Variants in KCNH5 observed in about 807,000 individuals in gnomAD.
The protein encoded by KCNH5 is voltage-gated delayed rectifier potassium channel KCNH5.
KCNH5 carries 46 observed loss-of-function variants against 96.1 expected under a neutral mutation model. The ratio of observed to expected loss-of-function variants is 0.48; its 90% CI spans 0.38 to 0.61. The LOEUF (loss-of-function observed/expected upper bound fraction) is 0.61, where lower values mean the gene tolerates loss of function less well. Ranked by LOEUF, KCNH5 falls within the 20% of genes least tolerant of loss-of-function variation. KCNH5 has a pLI of 0.00. For missense variants in KCNH5, 907 were observed against 1,225.8 expected, an observed-to-expected ratio of 0.74 and a Z score of 3.88; for synonymous variants, 439 against 449.8, an observed-to-expected ratio of 0.98 and a Z score of 0.30.
chr14:63,003,600 ATT>A lies in KCNH5; in HGVS notation c.305-2143_305-2142del, dbSNP rs1326073113. Among the ~76,000 whole-genome samples, 42 of 123,070 alleles carry A rather than the reference ATT, an allele frequency of 3.4e-4. 1 individual carries two copies. Among genetic ancestry groups the A allele is most frequent in the African/African-American group, 1.4e-3 (42 of 30,806 alleles). The allele number at this position is 123,070 out of a possible 152,430, so 80.7% of individuals were successfully genotyped here. Reference sequence around the variant, plus strand: ...ATATACATAATATATATATTTATATATTTATATTTATATATATATATATATTT... The same window carrying A: ...ATATACATAATATATATATTTATATATATATTTATATATATATATATATTT... On this transcript the variant is annotated intron_variant, in intron 3 of 10. Coordinates refer to ENST00000322893, the MANE Select transcript of KCNH5 (RefSeq NM_139318.5).
At chr14:62,948,073 C>T (rs994610270) in intron 7 of KCNH5, among the ~76,000 whole-genome samples, 3 of 151,372 alleles carry the variant, frequency 2.0e-5, no homozygotes, top group Non-Finnish European at 4.4e-5. Context: ...TGAGAATATG[C>T]GGTGTTTGGT....
intron 10 of KCNH5, among the ~76,000 whole-genome samples, chr14:62,770,428 C>G (rs1885961221): frequency 6.6e-6 from 1 of 152,180 alleles, no homozygotes; most frequent in South Asian, 2.1e-4. Context: ...CTATTTCTTA[C>G]CACTGGAACA....
At chr14:62,722,263 A>T (rs1042957408) in intron 10 of KCNH5, among the ~76,000 whole-genome samples, 2 of 152,210 alleles carry the variant, frequency 1.3e-5, no homozygotes, top group Admixed American at 1.3e-4. Flanking sequence ...TCCAGTTACA[A>T]TACAGATTGT....
intron 7 of KCNH5, among the ~76,000 whole-genome samples, chr14:62,939,294 G>A (rs1889743430): frequency 6.6e-6 from 1 of 152,030 alleles, no homozygotes; most frequent in Admixed American, 6.6e-5. Context: ...CCCCTCTGTG[G>A]CTCTCCTTCT....
chr14:62,919,490 C>T (rs1028573710), intron 7 of KCNH5, among the ~76,000 whole-genome samples: 5 of 152,148 alleles, frequency 3.3e-5, no homozygotes, highest in African/African-American at 7.2e-5. Context: ...ACATTCCAAA[C>T]TTGAAAAAGG....
chr14:63,001,936 A>G (rs1485392575), intron 3 of KCNH5, among the ~76,000 whole-genome samples: 1 of 152,166 alleles, frequency 6.6e-6, no homozygotes, highest in Non-Finnish European at 1.5e-5. Context: ...CTCTTGGAGG[A>G]ACATCTAAAA....
chr14:62,736,238 C>T (rs949349321), intron 10 of KCNH5, among the ~76,000 whole-genome samples: 3 of 152,150 alleles, frequency 2.0e-5, no homozygotes, highest in African/African-American at 7.2e-5. Context: ...AAGATGAAAA[C>T]AAGAGCAAAC....
At chr14:62,948,322 G>A (rs567293830) in intron 7 of KCNH5, among the ~76,000 whole-genome samples, 19 of 151,926 alleles carry the variant, frequency 1.3e-4, no homozygotes, top group Non-Finnish European at 2.8e-4. Context: ...GCATATAAAG[G>A]GGATATCACC....
intron 6 of KCNH5, among the ~76,000 whole-genome samples, chr14:62,955,561 G>A (rs1456081583): frequency 6.6e-6 from 1 of 152,190 alleles, no homozygotes; most frequent in African/African-American, 2.4e-5. Flanking sequence ...CAGGCAGTCT[G>A]TCTCCAGAAT....
In KCNH5 at chr14:63,034,835, T is replaced by C. The variant is rs181378506; in HGVS notation, c.73+10279A>G. Among the ~76,000 whole-genome samples, 21 of 152,344 alleles carry C rather than the reference T, an allele frequency of 1.4e-4. No homozygotes were observed. The East Asian group carries it at 2.7e-3, about 20-fold the overall frequency. On this transcript the variant is annotated intron_variant, in intron 1 of 10. Transcript: ENST00000322893. ...GTGGTAGGAATAATAGCAACTTTGC[T>C]ATTAAAAAAGATTTCTCCACAAAAT...
intron 7 of KCNH5, among the ~76,000 whole-genome samples, chr14:62,859,527 T>C (rs1378639613): frequency 6.6e-6 from 1 of 152,200 alleles, no homozygotes; most frequent in Non-Finnish European, 1.5e-5. Flanking sequence ...TTTTGACCAC[T>C]CAAAAAAGTC....
chr14:62,717,671 G>T (rs371125365), intron 10 of KCNH5, among the ~76,000 whole-genome samples: 1 of 152,178 alleles, frequency 6.6e-6, no homozygotes, highest in African/African-American at 2.4e-5. Context: ...AACTGCAAGA[G>T]CTAAAACTTT....
rs1884344889 is a variant in KCNH5 at position 62,701,334 on chromosome 14, G to A, written c.*6174C>T. The A allele has an allele frequency of 6.6e-6, 1 of 152,076 alleles. No homozygotes were observed. The highest frequency in any genetic ancestry group is 2.4e-5 in the African/African-American group (1 of 41,414). The allele number at this position is 152,076 out of a possible 1,614,324, so 9.4% of individuals were successfully genotyped here. ...ACAAATAAACAAAAGCTATTTAAAA[G>A]GCACCACATACAGAAAACTCATTAA... On this transcript the variant is annotated 3_prime_UTR_variant, in exon 11 of 11. Coordinates refer to ENST00000322893, the MANE Select transcript of KCNH5 (RefSeq NM_139318.5).
intron 7 of KCNH5, among the ~76,000 whole-genome samples, chr14:62,934,310 T>C (rs1365680766): frequency 6.6e-6 from 1 of 152,108 alleles, no homozygotes; most frequent in Non-Finnish European, 1.5e-5. Context: ...GTTTTGTTTC[T>C]TTAGCAAACA....
At chr14:62,795,187 A>G (rs1226863815) in intron 9 of KCNH5, among the ~76,000 whole-genome samples, 1 of 152,146 alleles carries the variant, frequency 6.6e-6, no homozygotes, top group Non-Finnish European at 1.5e-5. Flanking sequence ...TCTATCAACA[A>G]AGGAGGAACA....
intron 9 of KCNH5, among the ~76,000 whole-genome samples, chr14:62,790,805 A>C (rs550865405): frequency 6.6e-6 from 1 of 151,822 alleles, no homozygotes; most frequent in South Asian, 2.1e-4. Context: ...AATGCTGCTA[A>C]TTTTTGTATG....
intron 9 of KCNH5, among the ~76,000 whole-genome samples, chr14:62,780,740 A>G (rs1886193446): frequency 6.6e-6 from 1 of 152,182 alleles, no homozygotes; most frequent in South Asian, 2.1e-4. Context: ...AAGAACGAGA[A>G]AGAGTCTAAG....
intron 9 of KCNH5, among the ~76,000 whole-genome samples, chr14:62,796,275 G>A (rs946220806): frequency 3.9e-5 from 6 of 152,176 alleles, no homozygotes; most frequent in African/African-American, 1.4e-4. Context: ...GCCTCCCAAA[G>A]TGCTAGGATT....
intron 6 of KCNH5, among the ~76,000 whole-genome samples, chr14:62,966,795 T>C (rs1890313236): frequency 6.6e-6 from 1 of 152,196 alleles, no homozygotes; most frequent in Non-Finnish European, 1.5e-5. Context: ...CCTGTGCTAT[T>C]GTATCATATT....
Sources: gnomAD v4.1 joint callset for allele counts (sites outside exome capture counted in the v4.1 genomes callset) on GRCh38, gnomAD v4.1.1 for gene constraint, MANE v1.5 for transcripts, NCBI Gene and HGNC (gene_info 2026-07-23, HGNC 2026-07-21) for gene names.